Variants in ATP9A observed in about 807,000 individuals in gnomAD.
The protein encoded by ATP9A is ATPase phospholipid transporting 9A.
A neutral mutation model predicts 144.1 loss-of-function variants in ATP9A; 52 were observed. The observed-to-expected ratio is 0.36, with a 90% CI of 0.29 to 0.45. The LOEUF (loss-of-function observed/expected upper bound fraction) is 0.45, where lower values mean the gene tolerates loss of function less well. Among genes scored for constraint, ATP9A ranks in the 20% least tolerant of loss-of-function variants. The probability of loss-of-function intolerance (pLI) is 1.00; values close to 1 mark genes in which losing one functional copy is unlikely to be tolerated. For synonymous variants in ATP9A, 582 were observed against 557.4 expected (o/e 1.04, Z -0.62); for missense variants, 947 against 1,392.7 (o/e 0.68, Z 5.09).
intron 13 of ATP9A, among the ~76,000 whole-genome samples, chr20:51,661,974 G>A (rs1477928452): frequency 6.6e-6 from 1 of 152,154 alleles, no homozygotes; most frequent in Non-Finnish European, 1.5e-5. Flanking sequence ...GGTCATGTCT[G>A]GAGACATAAT....
rs542968037 is a variant in ATP9A, at chr20:51,614,489, T to A, written c.2416-657A>T. On this transcript the variant is annotated intron_variant, in intron 22 of 27. Coordinates refer to ENST00000338821, the MANE Select transcript of ATP9A (RefSeq NM_006045.3). ...CTAATTTAGTTATTTTTGGTAGAGA[T>A]GGGGTTTCTCCATGTTGCCGAGTTT... 7.5e-4 allele frequency among the ~76,000 whole-genome samples: 114 copies of A among 152,054 alleles called. 1 individual carries two copies. Among genetic ancestry groups the A allele is most frequent in the African/African-American group, 2.6e-3 (107 of 41,460 alleles).
chr20:51,663,314 G>A (rs983284659), intron 13 of ATP9A, among the ~76,000 whole-genome samples: 1 of 152,070 alleles, frequency 6.6e-6, no homozygotes, highest in African/African-American at 2.4e-5. Flanking sequence ...GTCCACCCAG[G>A]TGTTAATACT....
At position 51,705,155 on chromosome 20, in the gene ATP9A, A is replaced by G. The variant is rs374818119; in HGVS notation, c.437-7673T>C. On this transcript the variant is annotated intron_variant, in intron 4 of 27. Coordinates refer to ENST00000338821, the MANE Select transcript of ATP9A (RefSeq NM_006045.3). The stretch of plus-strand genomic sequence containing the variant: ...TTAATTATTAGCTAAACAATTCCCC[A>G]TTAATGAATGCACCTTCCCTACATT... Among the ~76,000 whole-genome samples, 20 of 152,358 alleles carry G rather than the reference A, an allele frequency of 1.3e-4. 3 individuals are homozygous for G. The highest frequency in any genetic ancestry group is 2.0e-4 in the Admixed American group (3 of 15,304).
intron 1 of ATP9A, among the ~76,000 whole-genome samples, chr20:51,743,455 A>G (rs1267197559): frequency 1.6e-5 from 2 of 122,452 alleles, no homozygotes; most frequent in Non-Finnish European, 3.1e-5. Flanking sequence ...GCTGGAGTGC[A>G]GTGGCGGGAT....
rs1465031663 is a variant in ATP9A at position 51,649,481 on chromosome 20, A to G, written c.1506+7457T>C. Among the ~76,000 whole-genome samples the G allele has an allele frequency of 5.9e-5, 9 of 152,230 alleles. No homozygotes were observed. The East Asian group carries it at 1.3e-3, about 23-fold the overall frequency. ...GGGCCTGGCACAGAGCAGGTATTCA[A>G]TAGGTGATCATTTCTCACTGCCGTC... On this transcript the variant is annotated intron_variant, in intron 14 of 27. Transcript: ENST00000338821.
chr20:51,688,203 G>A (rs2077531868), intron 9 of ATP9A, among the ~76,000 whole-genome samples: 1 of 152,226 alleles, frequency 6.6e-6, no homozygotes, highest in South Asian at 2.1e-4. Flanking sequence ...CCAGCACAGG[G>A]CCTGACACAT....
intron 18 of ATP9A, among the ~76,000 whole-genome samples, chr20:51,624,469 C>T (rs1205830817): frequency 2.0e-5 from 3 of 151,828 alleles, no homozygotes; most frequent in African/African-American, 7.3e-5. Context: ...TTTTTTGGGT[C>T]GCCACTGGTA....
chr20:51,726,463 G>T (rs897556708), intron 2 of ATP9A, among the ~76,000 whole-genome samples: 1 of 151,712 alleles, frequency 6.6e-6, no homozygotes, highest in Non-Finnish European at 1.5e-5. Context: ...AGTAAATAAT[G>T]ATATACATGG....
intron 13 of ATP9A, among the ~76,000 whole-genome samples, chr20:51,662,964 G>A (rs1568809007): frequency 6.6e-6 from 1 of 151,914 alleles, no homozygotes; most frequent in Non-Finnish European, 1.5e-5. Flanking sequence ...CAGCTACTCA[G>A]GAAGCTGAGG....
At chr20:51,656,399 A>G (rs1956898670) in intron 14 of ATP9A, among the ~76,000 whole-genome samples, 1 of 152,018 alleles carries the variant, frequency 6.6e-6, no homozygotes, top group Non-Finnish European at 1.5e-5. Context: ...TAAAAATACA[A>G]AAAATTAGCC....
intron 14 of ATP9A, among the ~76,000 whole-genome samples, chr20:51,647,629 C>T (rs935941082): frequency 6.6e-6 from 1 of 152,032 alleles, no homozygotes; most frequent in African/African-American, 2.4e-5. Flanking sequence ...ACCCAGGAGG[C>T]TAAGGCAGGA....
At chr20:51,606,979 C>T (rs1352312918) in intron 26 of ATP9A, among the ~76,000 whole-genome samples, 2 of 150,320 alleles carry the variant, frequency 1.3e-5, no homozygotes, top group Admixed American at 1.3e-4. Context: ...AATAGAAATA[C>T]TAAAAAAGGA....
intron 3 of ATP9A, among the ~76,000 whole-genome samples, chr20:51,720,960 A>G (rs1205704): frequency 0.98 from 148,856 of 152,360 alleles, 72,738 homozygotes; most frequent in East Asian, 1. Context: ...ATCAGAGGGG[A>G]AGGGATGCTT....
At chr20:51,726,498 G>A (rs1407777373) in intron 2 of ATP9A, among the ~76,000 whole-genome samples, 2 of 152,080 alleles carry the variant, frequency 1.3e-5, no homozygotes, top group African/African-American at 4.8e-5. Context: ...AAATTCAGAA[G>A]AGTAGTTACT....
In ATP9A at chr20:51,599,943, C is replaced by T. The variant is rs541108848; in HGVS notation, c.*1268G>A. ...GAATGCCTTGCTCTACCACGTCCCG[C>T]GACTGCAAACTCCCTTCCTCTGAAA... On this transcript the variant is annotated 3_prime_UTR_variant, in exon 28 of 28. Transcript: ENST00000338821. 4.6e-5 allele frequency: 7 copies of T among 152,314 alleles called. No individual in the cohort carries two copies. The highest frequency in any genetic ancestry group is 3.9e-4 in the East Asian group (2 of 5,190). The allele number at this position is 152,314 out of a possible 1,614,324, so 9.4% of individuals were successfully genotyped here.
intron 9 of ATP9A, among the ~76,000 whole-genome samples, chr20:51,676,817 C>T (rs1041405123): frequency 4.1e-5 from 6 of 147,522 alleles, no homozygotes; most frequent in African/African-American, 1.5e-4. Context: ...GGTTTCACCA[C>T]GTTGGCCAGG....
intron 25 of ATP9A, among the ~76,000 whole-genome samples, chr20:51,608,315 G>A (rs958363167): frequency 2.6e-5 from 4 of 152,120 alleles, no homozygotes; most frequent in African/African-American, 9.7e-5. Context: ...CTTTATACCA[G>A]TGAATATATT....
intron 3 of ATP9A, among the ~76,000 whole-genome samples, chr20:51,717,352 G>A (rs2077666874): frequency 1.3e-5 from 2 of 152,010 alleles, no homozygotes; most frequent in Admixed American, 6.6e-5. Flanking sequence ...AATCTATTAA[G>A]GAAATCAGCG....
intron 1 of ATP9A, among the ~76,000 whole-genome samples, chr20:51,745,788 T>C (rs2077805524): frequency 6.6e-6 from 1 of 152,130 alleles, no homozygotes; most frequent in South Asian, 2.1e-4. Context: ...AGCAGCCACA[T>C]GTGGCTGCTG....
Sources: gnomAD v4.1 joint callset for allele counts (sites outside exome capture counted in the v4.1 genomes callset) on GRCh38, gnomAD v4.1.1 for gene constraint, MANE v1.5 for transcripts, NCBI Gene and HGNC (gene_info 2026-07-23, HGNC 2026-07-21) for gene names.